CSGALNACT1: variants seen among roughly 807,000 people sequenced by gnomAD.
CSGALNACT1 encodes chondroitin sulfate N-acetylgalactosaminyltransferase 1.
CSGALNACT1 carries 52 observed loss-of-function variants against 51.0 expected under a neutral mutation model. That is an observed-to-expected ratio of 1.02 (90% CI 0.82 to 1.29). The LOEUF (loss-of-function observed/expected upper bound fraction) is 1.29. CSGALNACT1 is among the 50% of genes most tolerant of loss of function. CSGALNACT1 has a pLI of 0.00. For missense variants in CSGALNACT1, 935 were observed against 679.2 expected (o/e 1.38, Z -4.19); for synonymous variants, 341 against 254.4 (o/e 1.34, Z -3.24).
At chr8:19,421,510 C>T (rs571500788) in intron 6 of CSGALNACT1, among the ~76,000 whole-genome samples, 1 of 152,264 alleles carries the variant, frequency 6.6e-6, no homozygotes. Context: ...TCAACGACAC[C>T]CTTCTTTTCC....
intron 1 of CSGALNACT1, among the ~76,000 whole-genome samples, chr8:19,654,070 T>A (rs1301429831): frequency 6.6e-6 from 1 of 152,190 alleles, no homozygotes; most frequent in East Asian, 1.9e-4. Flanking sequence ...GCCCACTGCA[T>A]GAAAAGCTGC....
Position 19,681,831 on chromosome 8 carries a change from C to T in CSGALNACT1, c.-544+642G>A, listed in dbSNP as rs149852729. 5.2e-3 allele frequency among the ~76,000 whole-genome samples: 791 copies of T among 152,302 alleles called. 5 individuals are homozygous for T. The highest frequency in any genetic ancestry group is 0.018 in the African/African-American group (735 of 41,556). On this transcript the variant is annotated intron_variant, in intron 1 of 9. Transcript: ENST00000332246. ...CTGCTCACACCTTCTCTAGCCACAC[C>T]ATGTCATAGGGCAGAGTTCACAGGG...
At chr8:19,590,951 C>G (rs558045575) in intron 3 of CSGALNACT1, among the ~76,000 whole-genome samples, 2 of 152,176 alleles carry the variant, frequency 1.3e-5, no homozygotes, top group East Asian at 3.9e-4. Flanking sequence ...ATGCCCAGCC[C>G]TAACTACTTA....
upstream of CSGALNACT1, among the ~76,000 whole-genome samples, chr8:19,606,966 T>C (rs898994747): frequency 1.2e-4 from 19 of 152,186 alleles, no homozygotes; most frequent in African/African-American, 3.4e-4. Context: ...TCATCCTGGC[T>C]AATACGGGGA....
At chr8:19,407,906 TG>T (rs1182523889) in intron 9 of CSGALNACT1, among the ~76,000 whole-genome samples, 12 of 45,646 alleles carry the variant, frequency 2.6e-4, no homozygotes, top group African/African-American at 9.0e-4. Flanking sequence ...GTATATGAAT[TG>T]TGTGTGTGTG....
intron 4 of CSGALNACT1, among the ~76,000 whole-genome samples, chr8:19,464,116 G>A (rs2153831138): frequency 6.6e-6 from 1 of 152,266 alleles, no homozygotes; most frequent in South Asian, 2.1e-4. Context: ...CTTTCTGCCT[G>A]CAAAACGTTA....
At chr8:19,563,796 C>T (rs1022294109) in intron 3 of CSGALNACT1, among the ~76,000 whole-genome samples, 5 of 152,276 alleles carry the variant, frequency 3.3e-5, no homozygotes, top group Middle Eastern at 6.8e-3. Context: ...TTCACTAACT[C>T]CCAGCGACTC....
chr8:19,593,713 G>T (rs2048316457), intron 2 of CSGALNACT1, among the ~76,000 whole-genome samples: 1 of 152,198 alleles, frequency 6.6e-6, no homozygotes, highest in African/African-American at 2.4e-5. Context: ...GATCCTTGAG[G>T]TTAAAGGACA....
At chr8:19,433,564 C>G (rs971054999) in intron 6 of CSGALNACT1, among the ~76,000 whole-genome samples, 2 of 152,214 alleles carry the variant, frequency 1.3e-5, no homozygotes, top group African/African-American at 4.8e-5. Flanking sequence ...GACAAATGCT[C>G]TCCCTGAAGA....
chr8:19,474,869 GAAA>G lies in CSGALNACT1; in HGVS notation c.635-16230_635-16228del, dbSNP rs10683237. Reference sequence around the variant, plus strand: ...GCAATAAGAGTGAAACTCTGTCTCAGAAAAAAAAAAAAAAAAAGAAAAAAAAAA... The same window carrying G: ...GCAATAAGAGTGAAACTCTGTCTCAGAAAAAAAAAAAAAAGAAAAAAAAAA... On this transcript the variant is annotated intron_variant, in intron 4 of 9. Transcript: ENST00000454498. Among the ~76,000 whole-genome samples the G allele has an allele frequency of 1.6e-4, 14 of 86,172 alleles. No individual in the cohort carries two copies. In the East Asian group the frequency reaches 3.2e-3, roughly 20 times the overall value. 56.5% of individuals were successfully genotyped at this position (86,172 alleles called of 152,430 possible).
At chr8:19,744,007 T>C (rs2064484137) in intron 1 of CSGALNACT1, among the ~76,000 whole-genome samples, 1 of 152,214 alleles carries the variant, frequency 6.6e-6, no homozygotes, top group Non-Finnish European at 1.5e-5. Flanking sequence ...AGGTATGTTA[T>C]GACCAGACTA....
intron 1 of CSGALNACT1, among the ~76,000 whole-genome samples, chr8:19,633,072 C>G (rs911129480): frequency 1.3e-5 from 2 of 151,940 alleles, no homozygotes; most frequent in African/African-American, 4.8e-5. Context: ...CCACCGTGCC[C>G]AGCTGAGGGC....
At chr8:19,596,759 A>C (rs1014395880) in intron 2 of CSGALNACT1, among the ~76,000 whole-genome samples, 5 of 152,332 alleles carry the variant, frequency 3.3e-5, no homozygotes, top group East Asian at 3.9e-4. Context: ...AATTCCTTTC[A>C]ATTATTTTTA....
intron 1 of CSGALNACT1, among the ~76,000 whole-genome samples, chr8:19,615,790 A>G (rs2052917368): frequency 6.6e-6 from 1 of 152,250 alleles, no homozygotes. Flanking sequence ...AATGAGAAGA[A>G]AAGATGAATG....
chr8:19,684,484 G>A (rs2060858242), upstream of CSGALNACT1, among the ~76,000 whole-genome samples: 1 of 152,078 alleles, frequency 6.6e-6, no homozygotes, highest in Admixed American at 6.5e-5. Context: ...AGTGGGATAG[G>A]AATTGTCTCA....
intron 1 of CSGALNACT1, among the ~76,000 whole-genome samples, chr8:19,702,442 T>G (rs1439062733): frequency 1.3e-5 from 2 of 151,966 alleles, no homozygotes; most frequent in Admixed American, 1.3e-4. Flanking sequence ...AGCCCAGGAG[T>G]TGAAGGCTGC....
chr8:19,516,297 C>T (rs1346136061), intron 3 of CSGALNACT1, among the ~76,000 whole-genome samples: 1 of 152,116 alleles, frequency 6.6e-6, no homozygotes, highest in African/African-American at 2.4e-5. Flanking sequence ...CCCAGATGTT[C>T]AGCTGGCAAG....
At chr8:19,503,721 G>C (rs550039907) in intron 4 of CSGALNACT1, among the ~76,000 whole-genome samples, 145 of 151,608 alleles carry the variant, frequency 9.6e-4, no homozygotes, top group Non-Finnish European at 1.6e-3. Context: ...TGCTTACCAT[G>C]TGCTTATACA....
intron 4 of CSGALNACT1, among the ~76,000 whole-genome samples, chr8:19,497,825 A>C (rs4073791): frequency 0.43 from 65,979 of 151,958 alleles, 15,719 homozygotes; most frequent in East Asian, 0.84. Context: ...AGATAAATGC[A>C]TATCTGATTG....
Sources: allele counts gnomAD v4.1 joint callset (sites outside exome capture counted in the v4.1 genomes callset), GRCh38; gene constraint gnomAD v4.1.1; transcripts MANE v1.5; gene names NCBI Gene and HGNC (gene_info 2026-07-23, HGNC 2026-07-21).